Variants in ATXN3 observed in about 807,000 individuals in gnomAD.
The protein encoded by ATXN3 is ataxin 3, also known as ataxin-3.
In ATXN3, 28 loss-of-function variants were observed where a neutral mutation model predicts 58.2. The observed-to-expected ratio is 0.48, with a 90% CI of 0.36 to 0.66. ATXN3 has a LOEUF of 0.66. Among genes scored for constraint, ATXN3 ranks in the 30% least tolerant of loss-of-function variants. The pLI is 0.00. For missense variants in ATXN3, 321 were observed against 422.1 expected (o/e 0.76, Z 2.10); for synonymous variants, 113 against 138.5 (o/e 0.82, Z 1.29).
At chr14:92,106,440 C>T (rs2068433159) in intron 1 of ATXN3, 89 bp downstream of exon 1, 4 of 1,558,250 alleles carry the variant, frequency 2.6e-6, no homozygotes, top group Admixed American at 3.4e-5. Context: ...GCGACTCGGG[C>T]CCCACCCAGC....
rs1325382254 is a variant in ATXN3 at position 92,070,950 on chromosome 14, G to C, written c.976C>G (p.Leu326Val). Residue 326 changes from leucine (L) to valine (V), a missense_variant, in exon 10 of 11, where the codon CTT (leucine) becomes GTT (valine). By Grantham distance (32) the Leu-to-Val change is conservative (BLOSUM62 1). Coordinates refer to ENST00000644486, the MANE Select transcript of ATXN3 (RefSeq NM_004993.6). Reference protein sequence around the residue: ...CERPATSSGALGSDLGDAMSE... With the variant: ...CERPATSSGAVGSDLGDAMSE... ...CAGGCCTTACCTAGATCACTCCCAA[G>C]TGCTCCTGAACTGGTGGCTGGCCTT... 5.1e-6 allele frequency: 8 copies of C among 1,566,384 alleles called. No individual in the cohort carries two copies. The highest frequency in any genetic ancestry group is 6.9e-6 in the Non-Finnish European group (8 of 1,157,954).
chr14:92,073,049 G>A (rs973939065), intron 9 of ATXN3, among the ~76,000 whole-genome samples: 12 of 152,218 alleles, frequency 7.9e-5, no homozygotes, highest in Non-Finnish European at 1.3e-4. Context: ...GCACAAGAGG[G>A]ACGGACTGAG....
rs1341552398 is a variant in ATXN3 at position 92,061,410 on chromosome 14, A to C, written c.*2910T>G. The stretch of plus-strand genomic sequence containing the variant: ...AAACATAGATTGATGGTTTTAGATC[A>C]GAGATTAACTATTCTGAATTTTAAA... On this transcript the variant is annotated 3_prime_UTR_variant, in exon 11 of 11. Coordinates refer to ENST00000644486, the MANE Select transcript of ATXN3 (RefSeq NM_004993.6). The C allele has an allele frequency of 6.6e-6, 1 of 152,260 alleles. No homozygotes were observed. Among genetic ancestry groups the C allele is most frequent in the Non-Finnish European group, 1.5e-5 (1 of 68,050 alleles). The allele number at this position is 152,260 out of a possible 1,614,324, so 9.4% of individuals were successfully genotyped here. A position where few individuals can be genotyped will look rare whatever the true frequency, so the allele number is the denominator to read the frequency against.
chr14:92,080,773 C>G (rs1416101754), intron 9 of ATXN3, 192 bp downstream of exon 9: 1 of 569,860 alleles, frequency 1.8e-6, no homozygotes, highest in East Asian at 3.9e-5. Context: ...TGACCTCAGG[C>G]AATCTGCCCG....
intron 5 of ATXN3, 146 bp from the exon 6 acceptor site, chr14:92,088,963 T>C: frequency 1.6e-6 from 1 of 613,022 alleles, no homozygotes; most frequent in Non-Finnish European, 2.9e-6. Flanking sequence ...TTTCTTTGAC[T>C]GAATAATATG....
Position 92,047,712 on chromosome 14 carries a change from A to G in ATXN3, n.276+184T>C, listed in dbSNP as rs568583225. ...TAAGGGAACTGGGCAGGTGGGGATA[A>G]CTAAAAAAGAGTACATAAAAGAATG... On this transcript the variant is annotated intron_variant and non_coding_transcript_variant, in intron 2 of 2. Transcript: ENST00000564606. 2.6e-5 allele frequency among the ~76,000 whole-genome samples: 4 copies of G among 152,300 alleles called. No homozygotes were observed. In the South Asian group the frequency reaches 8.3e-4, roughly 32 times the overall value.
At chr14:92,106,239 G>A (rs1362158976) in intron 1 of ATXN3, among the ~76,000 whole-genome samples, 2 of 152,258 alleles carry the variant, frequency 1.3e-5, no homozygotes, top group African/African-American at 2.4e-5. Context: ...GACGGAGAAA[G>A]GCAGAAGCAA....
chr14:92,089,914 A>C (rs1287805109), intron 5 of ATXN3, among the ~76,000 whole-genome samples: 4 of 152,142 alleles, frequency 2.6e-5, no homozygotes, highest in South Asian at 2.1e-4. Context: ...AGAATTTATA[A>C]TTACCAGCTC....
At position 92,074,294 on chromosome 14, in the gene ATXN3, T is replaced by C. The variant is rs112097797; in HGVS notation, c.873-3241A>G. On this transcript the variant is annotated intron_variant, in intron 9 of 10. Transcript: ENST00000644486. ...GTGAGCCGAGATCACACTACTGCAC[T>C]CCAGCCTGGGCGACAGACAAGACTC... is the stretch of plus-strand genomic sequence containing the variant. Among the ~76,000 whole-genome samples the C allele has an allele frequency of 5.2e-4, 79 of 152,138 alleles. 1 individual carries two copies. Among genetic ancestry groups the C allele is most frequent in the African/African-American group, 1.7e-3 (70 of 41,520 alleles).
intron 6 of ATXN3, 192 bp from the exon 7 acceptor site, chr14:92,083,450 C>T (rs1057313208): frequency 2.9e-6 from 2 of 688,678 alleles, no homozygotes; most frequent in Non-Finnish European, 5.2e-6. Flanking sequence ...TACTTAAAGT[C>T]TCTGAGCCTC....
intron 1 of ATXN3, among the ~76,000 whole-genome samples, chr14:92,103,139 C>A (rs1449725270): frequency 6.9e-6 from 1 of 143,992 alleles, no homozygotes; most frequent in Non-Finnish European, 1.5e-5. Context: ...AAAGCAGGCA[C>A]CAGAACTAAA....
intron 9 of ATXN3, among the ~76,000 whole-genome samples, chr14:92,079,087 G>C (rs1290951742): frequency 6.7e-6 from 1 of 149,782 alleles, no homozygotes; most frequent in Non-Finnish European, 1.5e-5. Context: ...TTGGGAGGCT[G>C]AAGTGGGAGA....
chr14:92,082,684 T>C (rs2061679811), intron 7 of ATXN3, among the ~76,000 whole-genome samples: 1 of 148,914 alleles, frequency 6.7e-6, no homozygotes, highest in Admixed American at 6.8e-5. Flanking sequence ...GGTCTGACTC[T>C]CTCGACCAGG....
intron 3 of ATXN3, among the ~76,000 whole-genome samples, chr14:92,094,972 G>C (rs2064827575): frequency 6.6e-6 from 1 of 152,124 alleles, no homozygotes; most frequent in African/African-American, 2.4e-5. Flanking sequence ...GGTCGCTCAG[G>C]AGAGGTTCCG....
Position 92,106,463 on chromosome 14 carries a change from G to A in ATXN3, c.24+66C>T, listed in dbSNP as rs1312038192. 4.4e-6 allele frequency: 7 copies of A among 1,605,362 alleles called. No individual in the cohort carries two copies. The South Asian group carries it at 6.6e-5, about 15-fold the overall frequency. Reference sequence around the variant, plus strand: ...GGCCCCACCCAGCCCTCCGAGAGGCGGTGATGCCGCGCTCCACGCCCGCCA... The same window carrying A: ...GGCCCCACCCAGCCCTCCGAGAGGCAGTGATGCCGCGCTCCACGCCCGCCA... On this transcript the variant is annotated intron_variant, in intron 1 of 10. Coordinates refer to ENST00000644486, the MANE Select transcript of ATXN3 (RefSeq NM_004993.6).
intron 6 of ATXN3, 143 bp downstream of exon 6, chr14:92,088,587 A>C (rs959875590): frequency 4.4e-6 from 3 of 680,162 alleles, no homozygotes; most frequent in Non-Finnish European, 7.8e-6. Flanking sequence ...CGTCACCCAA[A>C]TCACAGCCTA....
In ATXN3 at chr14:92,060,237, T is replaced by C. The variant is rs1456817907; in HGVS notation, c.*4083A>G. On this transcript the variant is annotated 3_prime_UTR_variant, in exon 11 of 11. Coordinates refer to ENST00000644486, the MANE Select transcript of ATXN3 (RefSeq NM_004993.6). ...ATAGGAAGTCATATATATATACATA[T>C]ATATATACACACATATATATATATA... 1 of 138,806 alleles carries C rather than the reference T, an allele frequency of 7.2e-6. No homozygotes were observed. Among genetic ancestry groups the C allele is most frequent in the East Asian group, 2.0e-4 (1 of 4,894 alleles). 8.6% of individuals were successfully genotyped at this position (138,806 alleles called of 1,614,324 possible). A position where few individuals can be genotyped will look rare whatever the true frequency, so the allele number is the denominator to read the frequency against.
At chr14:92,083,946 G>A (rs1430368678) in intron 6 of ATXN3, among the ~76,000 whole-genome samples, 1 of 152,186 alleles carries the variant, frequency 6.6e-6, no homozygotes, top group African/African-American at 2.4e-5. Context: ...CATGCTGGAT[G>A]CTTCCTGCCC....
intron 5 of ATXN3, among the ~76,000 whole-genome samples, chr14:92,089,407 C>A (rs1380471635): frequency 6.8e-6 from 1 of 146,018 alleles, no homozygotes; most frequent in Admixed American, 7.1e-5. Flanking sequence ...GGCGCGATCT[C>A]GGCTCACTGC....
Sources: gnomAD v4.1 joint callset for allele counts (sites outside exome capture counted in the v4.1 genomes callset) on GRCh38, gnomAD v4.1.1 for gene constraint, MANE v1.5 for transcripts, NCBI Gene and HGNC (gene_info 2026-07-23, HGNC 2026-07-21) for gene names.